ADGRB3: variants seen among roughly 807,000 people sequenced by gnomAD.
ADGRB3 encodes adhesion G protein-coupled receptor B3.
In ADGRB3, 37 loss-of-function variants were observed where a neutral mutation model predicts 193.4. The observed-to-expected ratio is 0.19, with a 90% CI of 0.15 to 0.25. The LOEUF is 0.25. Ranked by LOEUF, ADGRB3 falls within the 10% of genes least tolerant of loss-of-function variation. The pLI is 1.00. For synonymous variants in ADGRB3, 690 were observed against 644.2 expected, an observed-to-expected ratio of 1.07 and a Z score of -1.08; for missense variants, 1,637 against 1,852.9, an observed-to-expected ratio of 0.88 and a Z score of 2.14.
At chr6:68,961,966 A>T in intron 8 of ADGRB3, among the ~76,000 whole-genome samples, 1 of 152,142 alleles carries the variant, frequency 6.6e-6, no homozygotes, top group South Asian at 2.1e-4. Context: ...TGCATTCTTC[A>T]AAAGGTTAAA....
At chr6:68,700,585 T>C (rs1765226737) in intron 3 of ADGRB3, among the ~76,000 whole-genome samples, 1 of 152,040 alleles carries the variant, frequency 6.6e-6, no homozygotes, top group African/African-American at 2.4e-5. Flanking sequence ...AATTAAACAA[T>C]TTCAGTATAG....
In ADGRB3 at chr6:69,315,050, T is replaced by A. The variant is rs145635618; in HGVS notation, c.2815-9822T>A. Reference sequence around the variant, plus strand: ...TGGTGATTTGAACAATAAAGGCTCATGATTTAATATAATTTTTGTTTATTT... The same window carrying A: ...TGGTGATTTGAACAATAAAGGCTCAAGATTTAATATAATTTTTGTTTATTT... On this transcript the variant is annotated intron_variant, in intron 20 of 31. Transcript: ENST00000370598. Among the ~76,000 whole-genome samples, 430 of 151,680 alleles carry A rather than the reference T, an allele frequency of 2.8e-3. 4 individuals carry two copies. Among genetic ancestry groups the A allele is most frequent in the African/African-American group, 9.9e-3 (412 of 41,490 alleles).
At chr6:69,312,908 T>C (rs553938275) in intron 20 of ADGRB3, among the ~76,000 whole-genome samples, 28 of 151,932 alleles carry the variant, frequency 1.8e-4, no homozygotes, top group African/African-American at 6.3e-4. Context: ...AGAATATGTA[T>C]GAATTGTTAT....
intron 17 of ADGRB3, among the ~76,000 whole-genome samples, chr6:69,122,591 G>T (rs1275444761): frequency 1.3e-5 from 2 of 151,164 alleles, no homozygotes; most frequent in Admixed American, 6.6e-5. Flanking sequence ...GTAGGGATGG[G>T]ATCTCTGAGT....
intron 3 of ADGRB3, among the ~76,000 whole-genome samples, chr6:68,685,912 T>A (rs1764975472): frequency 6.6e-6 from 1 of 152,036 alleles, no homozygotes; most frequent in Non-Finnish European, 1.5e-5. Context: ...ATATACTTTA[T>A]TTCTCAACAT....
intron 17 of ADGRB3, among the ~76,000 whole-genome samples, chr6:69,174,053 A>T (rs923453414): frequency 4.2e-5 from 4 of 95,546 alleles, no homozygotes; most frequent in African/African-American, 1.7e-4. Context: ...GTTTTAAAGG[A>T]AATTACTCAT....
In ADGRB3 at chr6:69,074,876, G is replaced by T. The variant is rs546634458; in HGVS notation, c.2437-1119G>T. 5.5e-4 allele frequency among the ~76,000 whole-genome samples: 84 copies of T among 152,218 alleles called. No homozygotes were observed. In the Middle Eastern group the frequency reaches 0.014, roughly 25 times the overall value. On this transcript the variant is annotated intron_variant, in intron 16 of 31. Transcript: ENST00000370598. Reference sequence around the variant, plus strand: ...CTGTATCTTTTAACTGCCTTGGTCTGTTTATTATTATCAATGACCAGGTTG... The same window carrying T: ...CTGTATCTTTTAACTGCCTTGGTCTTTTTATTATTATCAATGACCAGGTTG...
At chr6:68,864,055 T>C (rs1765227306) in intron 3 of ADGRB3, among the ~76,000 whole-genome samples, 1 of 152,216 alleles carries the variant, frequency 6.6e-6, no homozygotes, top group African/African-American at 2.4e-5. Flanking sequence ...TTTTTATAAT[T>C]TATTTCTTCT....
At chr6:68,657,414 T>C (rs565888653) in intron 3 of ADGRB3, among the ~76,000 whole-genome samples, 2 of 151,558 alleles carry the variant, frequency 1.3e-5, no homozygotes, top group African/African-American at 4.8e-5. Context: ...TTTACATCAG[T>C]AAAAATTTTT....
intron 3 of ADGRB3, among the ~76,000 whole-genome samples, chr6:68,746,123 A>T (rs541909540): frequency 3.0e-4 from 45 of 152,164 alleles, no homozygotes; most frequent in African/African-American, 9.6e-4. Flanking sequence ...ATTAGCCTCC[A>T]TAGAGCTTGA....
chr6:68,777,641 A>G (rs1766772865), intron 3 of ADGRB3, among the ~76,000 whole-genome samples: 1 of 150,296 alleles, frequency 6.7e-6, no homozygotes, highest in African/African-American at 2.5e-5. Flanking sequence ...AGGGATTAGG[A>G]AGCAATCAAT....
At chr6:69,317,896 CTTAGA>C (rs1000833123) in intron 20 of ADGRB3, among the ~76,000 whole-genome samples, 4 of 151,368 alleles carry the variant, frequency 2.6e-5, no homozygotes, top group Admixed American at 1.3e-4. Flanking sequence ...ATATAGAAAA[CTTAGA>C]TTAGTTTATT....
intron 20 of ADGRB3, among the ~76,000 whole-genome samples, chr6:69,247,184 C>A (rs955101283): frequency 2.0e-5 from 3 of 152,102 alleles, no homozygotes; most frequent in African/African-American, 7.2e-5. Flanking sequence ...TTGCGTAATT[C>A]CCCTGCTGCA....
At chr6:68,745,675 A>G (rs532947502) in intron 3 of ADGRB3, among the ~76,000 whole-genome samples, 1 of 151,468 alleles carries the variant, frequency 6.6e-6, no homozygotes, top group East Asian at 1.9e-4. Context: ...TTTGAAATAA[A>G]TGTATTTTCT....
chr6:69,071,847 CT>C (rs1334217201), intron 16 of ADGRB3, among the ~76,000 whole-genome samples: 10 of 152,244 alleles, frequency 6.6e-5, no homozygotes, highest in African/African-American at 2.4e-4. Flanking sequence ...TAGCTTCTCT[CT>C]TTTCCTCTCA....
At chr6:68,684,498 C>A (rs1166759589) in intron 3 of ADGRB3, among the ~76,000 whole-genome samples, 1 of 152,082 alleles carries the variant, frequency 6.6e-6, no homozygotes. Flanking sequence ...TTGACCATTT[C>A]TTGAGATTTA....
intron 20 of ADGRB3, among the ~76,000 whole-genome samples, chr6:69,318,561 A>G (rs1768368458): frequency 6.6e-6 from 1 of 151,362 alleles, no homozygotes; most frequent in Admixed American, 6.6e-5. Context: ...ATGTCATGCT[A>G]GCCTCTTTAA....
chr6:68,942,152 A>G (rs897367292), intron 5 of ADGRB3, among the ~76,000 whole-genome samples: 7 of 152,082 alleles, frequency 4.6e-5, no homozygotes, highest in Admixed American at 3.3e-4. Flanking sequence ...ACTTAGGCAA[A>G]TAAATAACAC....
intron 17 of ADGRB3, among the ~76,000 whole-genome samples, chr6:69,107,492 C>A (rs954669361): frequency 3.9e-5 from 6 of 152,188 alleles, no homozygotes; most frequent in Non-Finnish European, 5.9e-5. Flanking sequence ...TTGATTGTAG[C>A]TTTCTTATTT....
Sources: allele counts gnomAD v4.1 joint callset (sites outside exome capture counted in the v4.1 genomes callset), GRCh38; gene constraint gnomAD v4.1.1; transcripts MANE v1.5; gene names NCBI Gene and HGNC (gene_info 2026-07-23, HGNC 2026-07-21).